Variants in FNDC3B observed in about 807,000 individuals in gnomAD.
FNDC3B encodes fibronectin type III domain containing 3B, also known as fibronectin type III domain-containing protein 3B.
Under a neutral mutation model 151.5 loss-of-function variants are expected in FNDC3B, and 12 were observed. The ratio of observed to expected loss-of-function variants is 0.08; its 90% CI spans 0.05 to 0.13. The LOEUF (loss-of-function observed/expected upper bound fraction) is 0.13. Ranked by LOEUF, FNDC3B falls within the 10% of genes least tolerant of loss-of-function variation. The pLI, the probability that FNDC3B is intolerant of heterozygous loss-of-function variation, is 1.00. For missense variants in FNDC3B, 1,214 were observed against 1,505.3 expected (o/e 0.81, Z 3.20); for synonymous variants, 528 against 549.0 (o/e 0.96, Z 0.54).
chr3:172,310,350 C>A (rs928103565), intron 10 of FNDC3B, among the ~76,000 whole-genome samples: 1 of 152,138 alleles, frequency 6.6e-6, no homozygotes, highest in East Asian at 1.9e-4. Context: ...AAAAGAGGAA[C>A]CTTAATGTCG....
At chr3:172,215,926 G>T (rs1725952350) in intron 3 of FNDC3B, among the ~76,000 whole-genome samples, 1 of 145,378 alleles carries the variant, frequency 6.9e-6, no homozygotes, top group Admixed American at 6.8e-5. Context: ...CAACAAGTTT[G>T]TCTAGAGGAT....
At chr3:172,089,436 C>CA (rs1718702224) in intron 1 of FNDC3B, among the ~76,000 whole-genome samples, 3 of 152,094 alleles carry the variant, frequency 2.0e-5, no homozygotes, top group Admixed American at 6.6e-5. Flanking sequence ...GCACAGCTGT[C>CA]CGCAGAGGTT....
At position 172,296,518 on chromosome 3, in the gene FNDC3B, C is replaced by T. The variant is rs115991475; in HGVS notation, c.1001+1004C>T. Among the ~76,000 whole-genome samples, 1,168 of 152,244 alleles carry T rather than the reference C, an allele frequency of 7.7e-3. 15 individuals carry two copies. Among genetic ancestry groups the T allele is most frequent in the African/African-American group, 0.027 (1,115 of 41,550 alleles). ...GAGTCTCCTGCAGGTCTTCCACCCC[C>T]GACTCTTGCTCTTCTACAAGCTTGC... On this transcript the variant is annotated intron_variant, in intron 8 of 25. Coordinates refer to ENST00000415807, the MANE Select transcript of FNDC3B (RefSeq NM_022763.4).
Position 172,305,495 on chromosome 3 carries a change from A to G in FNDC3B, c.1062-1868A>G, listed in dbSNP as rs75712988. 4.5e-3 allele frequency among the ~76,000 whole-genome samples: 684 copies of G among 152,260 alleles called. 7 individuals carry two copies. Among genetic ancestry groups the G allele is most frequent in the African/African-American group, 0.015 (638 of 41,540 alleles). On this transcript the variant is annotated intron_variant, in intron 9 of 25. Transcript: ENST00000415807. ...GCTTAATATTGTTCTCCTGTCCTCT[A>G]TATTTCCCATAAAGCAATGAAGAGG...
intron 11 of FNDC3B, among the ~76,000 whole-genome samples, chr3:172,316,000 C>CTTTTTTTTTTT (rs555242809): frequency 6.3e-5 from 5 of 79,876 alleles, no homozygotes; most frequent in Non-Finnish European, 7.9e-5. Flanking sequence ...CTTTCTTCTT[C>CTTTTTTTTTTT]TTTTTTTTTT....
intron 7 of FNDC3B, among the ~76,000 whole-genome samples, chr3:172,289,183 C>A (rs1050052903): frequency 2.0e-5 from 3 of 152,134 alleles, no homozygotes; most frequent in African/African-American, 7.2e-5. Flanking sequence ...GTTTTCTTGC[C>A]TTTTCCAGTT....
At chr3:172,282,015 G>A (rs1292194909) in intron 6 of FNDC3B, among the ~76,000 whole-genome samples, 1 of 152,220 alleles carries the variant, frequency 6.6e-6, no homozygotes, top group Non-Finnish European at 1.5e-5. Flanking sequence ...TATGGAAAGA[G>A]TGGTCATTCA....
chr3:172,147,354 C>G (rs1036332920), intron 3 of FNDC3B, among the ~76,000 whole-genome samples: 2 of 150,894 alleles, frequency 1.3e-5, no homozygotes, highest in Non-Finnish European at 3.0e-5. Flanking sequence ...CATCTTACAA[C>G]TTGCCACTTT....
At chr3:172,221,207 A>G (rs1009575812) in intron 3 of FNDC3B, among the ~76,000 whole-genome samples, 4 of 151,880 alleles carry the variant, frequency 2.6e-5, no homozygotes, top group African/African-American at 9.7e-5. Flanking sequence ...GAGATTTTCT[A>G]TACGTTGGGA....
chr3:172,306,650 G>A (rs1049341843), intron 9 of FNDC3B, among the ~76,000 whole-genome samples: 2 of 152,226 alleles, frequency 1.3e-5, no homozygotes, highest in African/African-American at 4.8e-5. Context: ...GGCATTAATA[G>A]TATGTTCTAT....
At chr3:172,308,609 A>T (rs1299903391) in intron 10 of FNDC3B, among the ~76,000 whole-genome samples, 1 of 152,206 alleles carries the variant, frequency 6.6e-6, no homozygotes, top group African/African-American at 2.4e-5. Context: ...GCCTCAGTTG[A>T]TCCCTCTTAG....
chr3:172,163,311 C>A (rs950390815), intron 3 of FNDC3B, among the ~76,000 whole-genome samples: 7 of 151,948 alleles, frequency 4.6e-5, no homozygotes, highest in Non-Finnish European at 8.8e-5. Flanking sequence ...AGCAAACACC[C>A]ATATAACCCA....
intron 1 of FNDC3B, among the ~76,000 whole-genome samples, chr3:172,100,482 A>AT (rs1286343572): frequency 3.3e-5 from 5 of 152,158 alleles, no homozygotes; most frequent in Non-Finnish European, 7.4e-5. Context: ...GAGAGAAAAT[A>AT]TTTTTCTAGA....
At chr3:172,338,083 G>C (rs1176813334) in intron 16 of FNDC3B, 1 of 152,212 alleles carries the variant, frequency 6.6e-6, no homozygotes, top group Non-Finnish European at 1.5e-5. Context: ...CCAGCACTTT[G>C]GGAGGCTGAG....
chr3:172,280,050 G>C (rs1729629787), intron 6 of FNDC3B, among the ~76,000 whole-genome samples: 1 of 152,108 alleles, frequency 6.6e-6, no homozygotes, highest in South Asian at 2.1e-4. Context: ...AAGTAGTCGG[G>C]ACTACAGGCA....
rs74598036 is a variant in FNDC3B, at chr3:172,381,112, G to A, written c.3303+19G>A. 6 of 1,612,348 alleles carry A rather than the reference G, an allele frequency of 3.7e-6. No individual in the cohort carries two copies. The highest frequency in any genetic ancestry group is 1.3e-5 in the African/African-American group (1 of 74,976). On this transcript the variant is annotated intron_variant, in intron 25 of 25. Coordinates refer to ENST00000415807, the MANE Select transcript of FNDC3B (RefSeq NM_022763.4). ...CAAACAGGTAAGAACCAGTGTGCATGGCACATGTGCAACTGAGTATGGCTG... is the reference window on the plus strand; with the variant it reads ...CAAACAGGTAAGAACCAGTGTGCATAGCACATGTGCAACTGAGTATGGCTG...
At chr3:172,307,587 G>C in intron 10 of FNDC3B, 86 bp downstream of exon 10, 1 of 1,347,412 alleles carries the variant, frequency 7.4e-7, no homozygotes, top group East Asian at 2.4e-5. Context: ...CAGCTACCTG[G>C]GAGGCTGAGG....
chr3:172,331,353 T>A (rs935637473), intron 13 of FNDC3B, among the ~76,000 whole-genome samples: 2 of 152,134 alleles, frequency 1.3e-5, no homozygotes, highest in Non-Finnish European at 2.9e-5. Context: ...TCTAGTCTGT[T>A]CTTTTTGTTT....
intron 25 of FNDC3B, among the ~76,000 whole-genome samples, chr3:172,382,178 A>G (rs527805292): frequency 1.3e-3 from 204 of 152,326 alleles, no homozygotes; most frequent in African/African-American, 4.5e-3. Flanking sequence ...CTGGCGTGAA[A>G]TGGTATCTCA....
Sources: gnomAD v4.1 joint callset for allele counts (sites outside exome capture counted in the v4.1 genomes callset) on GRCh38, gnomAD v4.1.1 for gene constraint, MANE v1.5 for transcripts, NCBI Gene and HGNC (gene_info 2026-07-23, HGNC 2026-07-21) for gene names.